Variants in VEGFC observed in about 807,000 individuals in gnomAD.
The protein encoded by VEGFC is vascular endothelial growth factor C, also known as FLT4 ligand DHM.
A neutral mutation model predicts 46.1 loss-of-function variants in VEGFC; 12 were observed. The ratio of observed to expected loss-of-function variants is 0.26; its 90% CI spans 0.17 to 0.42. The LOEUF is 0.42. Ranked by LOEUF, VEGFC falls within the 10% of genes least tolerant of loss-of-function variation. The probability of loss-of-function intolerance (pLI) is 1.00; values close to 1 mark genes in which losing one functional copy is unlikely to be tolerated. For missense variants in VEGFC, 488 were observed against 529.4 expected, an observed-to-expected ratio of 0.92 and a Z score of 0.77; for synonymous variants, 232 against 195.5, an observed-to-expected ratio of 1.19 and a Z score of -1.56.
chr4:176,727,856 G>A lies in VEGFC; in HGVS notation c.474C>T (p.Ser158=), dbSNP rs778379951. 4.3e-6 allele frequency: 7 copies of A among 1,613,776 alleles called. No individual in the cohort carries two copies. Among genetic ancestry groups the A allele is most frequent in the Admixed American group, 1.7e-5 (1 of 59,972 alleles). Reference sequence around the variant, plus strand: ...TGCAGCAACCCCCACATCTGTAGACGGACACACATGGAGGTTTAAAGAAGG... The same window carrying A: ...TGCAGCAACCCCCACATCTGTAGACAGACACACATGGAGGTTTAAAGAAGG... ...TNTFFKPPCV[S]VYRCGGCCNS... The change falls in exon 3 of 7, where the codon TCC becomes TCT. Residue 158 remains serine, a synonymous_variant. Coordinates refer to ENST00000618562, the MANE Select transcript of VEGFC (RefSeq NM_005429.5).
intron 4 of VEGFC, among the ~76,000 whole-genome samples, chr4:176,709,640 G>C (rs761981807): frequency 2.0e-5 from 3 of 152,102 alleles, no homozygotes; most frequent in Non-Finnish European, 4.4e-5. Context: ...TCTGGGAATC[G>C]GACTTGGTGA....
chr4:176,762,820 G>T (rs1331713654), intron 1 of VEGFC, among the ~76,000 whole-genome samples: 1 of 152,146 alleles, frequency 6.6e-6, no homozygotes, highest in Non-Finnish European at 1.5e-5. Flanking sequence ...TGCTCCAGCT[G>T]GTGAACCTGG....
At position 176,729,581 on chromosome 4, in the gene VEGFC, C is replaced by T; in HGVS notation, c.313G>A (p.Glu105Lys). Residue 105 changes from glutamate (E) to lysine (K), a missense_variant, in exon 2 of 7, where the codon GAG becomes AAG. Glu to Lys is a moderately conservative substitution (Grantham distance 56, BLOSUM62 1). Transcript: ENST00000618562. ...EQANLNSRTE[E>K]TIKFAAAHYN... ...TGTGCTGCAGCAAATTTTATAGTCT[C>T]TTCTGTCCTTGAGTTGAGGTTGGCC... 6.2e-7 allele frequency: 1 copy of T among 1,613,788 alleles called. No homozygotes were observed. The highest frequency in any genetic ancestry group is 2.2e-5 in the East Asian group (1 of 44,860).
chr4:176,729,822 G>C (rs1056181714), intron 1 of VEGFC, 76 bp from the exon 2 acceptor site: 4 of 1,136,666 alleles, frequency 3.5e-6, no homozygotes, highest in Non-Finnish European at 4.8e-6. Context: ...AAAACGGTTA[G>C]GTTTAATAGT....
intron 4 of VEGFC, among the ~76,000 whole-genome samples, chr4:176,688,389 T>G (rs1024230110): frequency 3.3e-5 from 5 of 152,206 alleles, no homozygotes; most frequent in African/African-American, 9.6e-5. Flanking sequence ...GGTAACTATC[T>G]ACATCACTTT....
chr4:176,760,213 T>A (rs1240066391), intron 1 of VEGFC, among the ~76,000 whole-genome samples: 1 of 152,178 alleles, frequency 6.6e-6, no homozygotes, highest in South Asian at 2.1e-4. Context: ...TTAATGGTGA[T>A]AGTACAGATA....
At chr4:176,686,126 G>A (rs971622393) in intron 6 of VEGFC, among the ~76,000 whole-genome samples, 3 of 152,126 alleles carry the variant, frequency 2.0e-5, no homozygotes, top group Non-Finnish European at 2.9e-5. Context: ...AAATTAAGTA[G>A]ACAACTAGGA....
At chr4:176,708,516 T>A (rs1263472059) in intron 4 of VEGFC, among the ~76,000 whole-genome samples, 1 of 152,062 alleles carries the variant, frequency 6.6e-6, no homozygotes, top group African/African-American at 2.4e-5. Context: ...AAAATGTTTA[T>A]AAAAGGATCC....
At chr4:176,738,860 A>T (rs955038727) in intron 1 of VEGFC, among the ~76,000 whole-genome samples, 1 of 151,868 alleles carries the variant, frequency 6.6e-6, no homozygotes, top group Non-Finnish European at 1.5e-5. Context: ...AAGAAAAAAA[A>T]ATCCCATTAA....
intron 1 of VEGFC, among the ~76,000 whole-genome samples, chr4:176,776,312 T>C (rs575463419): frequency 6.6e-6 from 1 of 152,374 alleles, no homozygotes; most frequent in Admixed American, 6.5e-5. Flanking sequence ...AAATCCCTGC[T>C]AGATTTTCTC....
intron 4 of VEGFC, among the ~76,000 whole-genome samples, chr4:176,699,674 T>A (rs1043455503): frequency 3.9e-5 from 6 of 152,226 alleles, no homozygotes; most frequent in Non-Finnish European, 2.9e-5. Context: ...CACTTGACTA[T>A]GTACACAGAG....
At chr4:176,690,384 A>T (rs1378571070) in intron 4 of VEGFC, among the ~76,000 whole-genome samples, 1 of 151,800 alleles carries the variant, frequency 6.6e-6, no homozygotes, top group Non-Finnish European at 1.5e-5. Flanking sequence ...TTGCCAAAAA[A>T]TTGCATATAT....
chr4:176,723,703 A>C (rs1034804405), intron 3 of VEGFC, among the ~76,000 whole-genome samples: 14 of 140,590 alleles, frequency 1.0e-4, no homozygotes, highest in African/African-American at 3.5e-4. Flanking sequence ...ACACAGGTAA[A>C]CTTTTATTTT....
At chr4:176,750,933 CAAAAAGAAA>C (rs1735332729) in intron 1 of VEGFC, among the ~76,000 whole-genome samples, 3 of 147,752 alleles carry the variant, frequency 2.0e-5, no homozygotes, top group Non-Finnish European at 4.5e-5. Context: ...CCCAATAGGA[CAAAAAGAAA>C]AAAAAGAAAG....
chr4:176,746,392 A>T (rs1735258419), intron 1 of VEGFC, among the ~76,000 whole-genome samples: 1 of 152,058 alleles, frequency 6.6e-6, no homozygotes, highest in Non-Finnish European at 1.5e-5. Context: ...AAGATGTGAA[A>T]TCCCACTGAT....
chr4:176,688,708 C>T (rs1024493419), intron 4 of VEGFC, among the ~76,000 whole-genome samples: 1 of 151,422 alleles, frequency 6.6e-6, no homozygotes, highest in Non-Finnish European at 1.5e-5. Flanking sequence ...CCTAATTGCT[C>T]CTTTGATGGT....
At chr4:176,684,081 G>A in intron 6 of VEGFC, 41 bp from the exon 7 acceptor site, 1 of 1,410,362 alleles carries the variant, frequency 7.1e-7, no homozygotes, top group East Asian at 2.3e-5. Flanking sequence ...TAAAGATCAA[G>A]GCAATGGATT....
rs150335221 is a variant in VEGFC, at chr4:176,706,949, T to A, written c.704+4550A>T. On this transcript the variant is annotated intron_variant, in intron 4 of 6. Transcript: ENST00000618562. ...TGCGTTCTCTCACTCTAGAGTACAT[T>A]TGCGTCTTTTAAGGGCCTCATGTAA... Among the ~76,000 whole-genome samples the A allele has an allele frequency of 8.5e-5, 13 of 152,296 alleles. No homozygotes were observed. In the East Asian group the frequency reaches 1.2e-3, roughly 14 times the overall value.
chr4:176,738,572 A>G (rs773991271), intron 1 of VEGFC, among the ~76,000 whole-genome samples: 2 of 152,086 alleles, frequency 1.3e-5, no homozygotes, highest in Admixed American at 6.6e-5. Context: ...TAAAGATTTA[A>G]ATGTAAAACT....
Sources: allele counts gnomAD v4.1 joint callset (sites outside exome capture counted in the v4.1 genomes callset), GRCh38; gene constraint gnomAD v4.1.1; transcripts MANE v1.5; gene names NCBI Gene and HGNC (gene_info 2026-07-23, HGNC 2026-07-21).